The following COL2A1 variants were observed in gnomAD, a reference collection of about 807,000 sequenced individuals.
COL2A1 encodes collagen alpha-1(II) chain.
In COL2A1, 28 loss-of-function variants were observed where a neutral mutation model predicts 204.5. That is an observed-to-expected ratio of 0.14 (90% CI 0.10 to 0.19). The LOEUF (loss-of-function observed/expected upper bound fraction) is 0.19, where lower values mean the gene tolerates loss of function less well. Ranked by LOEUF, COL2A1 falls within the 10% of genes least tolerant of loss-of-function variation. COL2A1 has a pLI of 1.00. For missense variants in COL2A1, 1,388 were observed against 2,027.5 expected (o/e 0.68, Z 6.06); for synonymous variants, 708 against 718.7 (o/e 0.99, Z 0.24).
rs927187878 is a variant in COL2A1 at position 47,997,883 on chromosome 12, G to C, written c.417C>G (p.Asp139Glu). The change falls in exon 6 of 54, where the codon GAC becomes GAG. Residue 139 changes from aspartate to glutamate, a missense_variant. Around this residue, in one of 3 missense-constraint regions of COL2A1, gnomAD observed 201 missense variants for 242.4 expected, o/e 0.83. Transcript: ENST00000380518. The stretch of plus-strand genomic sequence containing the variant: ...GCTTTTTACTCACTTTTTCACCTTT[G>C]TCACCACGATCCCCTCTGGGTCCTT... Reference protein sequence around the residue: ...GEQGPRGDRGDKGEKGAPGPR... With the variant: ...GEQGPRGDRGEKGEKGAPGPR... 10 of 1,614,066 alleles carry C rather than the reference G, an allele frequency of 6.2e-6. No homozygotes were observed. The highest frequency in any genetic ancestry group is 8.5e-6 in the Non-Finnish European group (10 of 1,179,996).
chr12:47,977,320 A>T lies in COL2A1; in HGVS notation c.3273T>A (p.Ala1091=). The T allele has an allele frequency of 6.2e-7, 1 of 1,612,454 alleles. No individual in the cohort carries two copies. The highest frequency in any genetic ancestry group is 1.1e-5 in the South Asian group (1 of 91,052). ...CTTTTACTGAATTCAGGATACTTAC[A>T]GCTTCTCCTCTGTCTCCTTGCTTGC... ...PTGKQGDRGE[A]GAQGPMGPSG... Residue 1091 remains alanine, a splice_region_variant and synonymous_variant, in exon 46 of 54, where the codon GCT becomes GCA. Transcript: ENST00000380518.
chr12:47,973,054 G>T lies in COL2A1; in HGVS notation c.*353C>A. 1 of 587,804 alleles carries T rather than the reference G, an allele frequency of 1.7e-6. No homozygotes were observed. Among genetic ancestry groups the T allele is most frequent in the Non-Finnish European group, 3.0e-6 (1 of 330,478 alleles). The allele number at this position is 587,804 out of a possible 1,614,324, so 36.4% of individuals were successfully genotyped here. ...TGACACAGAATAGCACCATTGTGTA[G>T]GACACACACAGTTCCTGCGCCCGGC... On this transcript the variant is annotated 3_prime_UTR_variant, in exon 54 of 54. Coordinates refer to ENST00000380518, the MANE Select transcript of COL2A1 (RefSeq NM_001844.5).
chr12:47,982,310 G>T, intron 34 of COL2A1, 150 bp from the exon 35 acceptor site: 1 of 825,482 alleles, frequency 1.2e-6, no homozygotes, highest in Middle Eastern at 2.4e-4. Flanking sequence ...GAGCAGCAGG[G>T]GTGAGATGAA....
In COL2A1 at chr12:47,973,472, G is replaced by A. The variant is rs779016210; in HGVS notation, c.4399C>T (p.Pro1467Ser). 6.2e-7 allele frequency: 1 copy of A among 1,614,124 alleles called. No individual in the cohort carries two copies. The highest frequency in any genetic ancestry group is 1.7e-5 in the Admixed American group (1 of 60,028). Residue 1467 changes from proline (P) to serine (S), a missense_variant, in exon 54 of 54, where the codon CCC becomes TCC. By Grantham distance (74) the Pro-to-Ser change is moderately conservative (BLOSUM62 -1). Around this residue, in one of 3 missense-constraint regions of COL2A1, gnomAD observed 303 missense variants for 369.2 expected, o/e 0.82. Coordinates refer to ENST00000380518, the MANE Select transcript of COL2A1 (RefSeq NM_001844.5). ...TSRLPIIDIA[P>S]MDIGGPEQEF... ...TGCTCGGGCCCTCCTATGTCCATGG[G>A]TGCAATGTCAATGATGGGGAGGCGT... is the stretch of plus-strand genomic sequence containing the variant.
chr12:47,999,559 A>G (rs1940130754), intron 2 of COL2A1: 1 of 265,346 alleles, frequency 3.8e-6, no homozygotes. Context: ...GGAGGAATTA[A>G]TTCGTGGATT....
chr12:48,002,392 C>T (rs1940275184), intron 1 of COL2A1, among the ~76,000 whole-genome samples: 1 of 152,172 alleles, frequency 6.6e-6, no homozygotes, highest in African/African-American at 2.4e-5. Flanking sequence ...CTGCGCATTT[C>T]CCCACGTCAC....
chr12:47,983,634 C>A, intron 30 of COL2A1, 49 bp downstream of exon 30: 1 of 1,566,736 alleles, frequency 6.4e-7, no homozygotes, highest in East Asian at 2.3e-5. Flanking sequence ...TCCCAGGGAG[C>A]CCTGGGTATG....
At chr12:47,993,268 A>ACC (rs1939789152) in intron 15 of COL2A1, among the ~76,000 whole-genome samples, 190 bp downstream of exon 15, 1 of 152,258 alleles carries the variant, frequency 6.6e-6, no homozygotes, top group Non-Finnish European at 1.5e-5. Flanking sequence ...TAGTGTGATA[A>ACC]AATGGGTATC....
rs780376290 is a variant in COL2A1 at position 47,974,675 on chromosome 12, A to G, written c.4074T>C (p.His1358=). The G allele has an allele frequency of 1.2e-6, 2 of 1,614,142 alleles. No individual in the cohort carries two copies. Among genetic ancestry groups the G allele is most frequent in the South Asian group, 2.2e-5 (2 of 91,076 alleles). ...TCATCTAGGGCACCCAGGTACTCACATGGAAGCCACCATTGATGGTTTCTC... is the reference window on the plus strand; with the variant it reads ...TCATCTAGGGCACCCAGGTACTCACGTGGAAGCCACCATTGATGGTTTCTC... ...WFGETINGGF[H]FSYGDDNLAP... is the part of the protein sequence containing the mutation. The change falls in exon 52 of 54, where the codon CAT becomes CAC. Residue 1358 remains histidine (H), a splice_region_variant and synonymous_variant. Transcript: ENST00000380518.
intron 45 of COL2A1, 83 bp downstream of exon 45, chr12:47,977,517 C>T (rs1665155755): frequency 1.3e-6 from 2 of 1,596,736 alleles, no homozygotes; most frequent in South Asian, 1.1e-5. Flanking sequence ...AGACTTGTTC[C>T]AACCTGCCAC....
At chr12:47,974,587 G>A (rs1373926433) in intron 52 of COL2A1, 88 bp downstream of exon 52, 2 of 1,451,382 alleles carry the variant, frequency 1.4e-6, no homozygotes. Context: ...GAAAATATGG[G>A]GAAGGTGCTA....
intron 2 of COL2A1, chr12:47,999,660 T>TTAA: frequency 5.4e-6 from 1 of 184,126 alleles, no homozygotes; most frequent in East Asian, 1.4e-4. Context: ...TTTTGTAGAA[T>TTAA]CACATCTGTC....
chr12:47,990,852 G>A (rs1396215701), intron 16 of COL2A1, among the ~76,000 whole-genome samples: 1 of 152,198 alleles, frequency 6.6e-6, no homozygotes, highest in African/African-American at 2.4e-5. Context: ...AACTCTGGGG[G>A]CCACAGGCTG....
chr12:47,983,234 G>T, intron 31 of COL2A1, 97 bp from the exon 32 acceptor site: 1 of 1,510,476 alleles, frequency 6.6e-7, no homozygotes, highest in East Asian at 2.4e-5. Flanking sequence ...CCTCCCATGG[G>T]GGATTGTGTC....
At chr12:47,998,654 T>A in intron 2 of COL2A1, 1 of 560,888 alleles carries the variant, frequency 1.8e-6, no homozygotes, top group South Asian at 2.4e-5. Context: ...ACCCAGACTT[T>A]GTTATTCAAA....
In COL2A1 at chr12:47,975,429, T is replaced by C; in HGVS notation, c.3774A>G (p.Thr1258=). 6.2e-7 allele frequency: 1 copy of C among 1,614,066 alleles called. No homozygotes were observed. Among genetic ancestry groups the C allele is most frequent in the Non-Finnish European group, 8.5e-7 (1 of 1,179,990 alleles). Residue 1258 remains threonine (T), a synonymous_variant, in exon 51 of 54, where the codon ACA becomes ACG. Coordinates refer to ENST00000380518, the MANE Select transcript of COL2A1 (RefSeq NM_001844.5). Reference sequence around the variant, plus strand: ...CAATCTGGTTGTTGAGGGACTTGAGTGTGGCATCCACCTCGGCGTCATGCT... The same window carrying C: ...CAATCTGGTTGTTGAGGGACTTGAGCGTGGCATCCACCTCGGCGTCATGCT... ...LRQHDAEVDA[T]LKSLNNQIES... is the part of the protein sequence containing the mutation.
chr12:47,973,402 G>A lies in COL2A1; in HGVS notation c.*5C>T. 1 of 1,614,156 alleles carries A rather than the reference G, an allele frequency of 6.2e-7. No individual in the cohort carries two copies. The highest frequency in any genetic ancestry group is 8.5e-7 in the Non-Finnish European group (1 of 1,180,032). On this transcript the variant is annotated 3_prime_UTR_variant, in exon 54 of 54. Coordinates refer to ENST00000380518, the MANE Select transcript of COL2A1 (RefSeq NM_001844.5). ...ACGGATTGTGTTGTTTCTGGGTTCAGGTTTTTACAAGAAGCAGACCGGCCC... is the reference window on the plus strand; with the variant it reads ...ACGGATTGTGTTGTTTCTGGGTTCAAGTTTTTACAAGAAGCAGACCGGCCC...
At position 47,983,705 on chromosome 12, in the gene COL2A1, G is replaced by A. The variant is rs1432147280; in HGVS notation, c.1973C>T (p.Ala658Val). The change falls in exon 30 of 54, where the codon GCT becomes GTT. Residue 658 changes from alanine to valine, a missense_variant. Physicochemically the swap from Ala to Val is moderately conservative, Grantham distance 64. Transcript: ENST00000380518. ...TACCTGGAACCCAGATGGCCCAGGA[G>A]CACCCTGCTCGCCTCGTTCACCAGC... ...GPAGERGEQGAPGPSGFQGLP... is the reference protein window; with the variant it reads ...GPAGERGEQGVPGPSGFQGLP... 6.2e-7 allele frequency: 1 copy of A among 1,600,036 alleles called. No individual in the cohort carries two copies. Among genetic ancestry groups the A allele is most frequent in the African/African-American group, 1.3e-5 (1 of 74,856 alleles).
rs1938654301 is a variant in COL2A1 at position 47,975,453 on chromosome 12, C to G, written c.3750G>C (p.Gln1250His). The change falls in exon 51 of 54, where the codon CAG (glutamine) becomes CAC (histidine). Residue 1250 changes from glutamine to histidine, a missense_variant. Around this residue, in one of 3 missense-constraint regions of COL2A1, gnomAD observed 303 missense variants for 369.2 expected, o/e 0.82. Transcript: ENST00000380518. The stretch of plus-strand genomic sequence containing the variant: ...GTGTGGCATCCACCTCGGCGTCATG[C>G]TGTCTCAGGCCACCGGCTGCCTGGT... ...RADQAAGGLR[Q>H]HDAEVDATLK... 4 of 1,614,016 alleles carry G rather than the reference C, an allele frequency of 2.5e-6. No homozygotes were observed. The highest frequency in any genetic ancestry group is 1.3e-5 in the African/African-American group (1 of 74,936).
Sources: allele counts gnomAD v4.1 joint callset (sites outside exome capture counted in the v4.1 genomes callset), GRCh38; gene constraint gnomAD v4.1.1; regional missense constraint gnomAD v4.1.1; transcripts MANE v1.5; gene names NCBI Gene and HGNC (gene_info 2026-07-23, HGNC 2026-07-21).